Variants in EZH2 observed in about 807,000 individuals in gnomAD.
The protein encoded by EZH2 is enhancer of zeste 2 polycomb repressive complex 2 subunit.
In EZH2, 18 loss-of-function variants were observed where a neutral mutation model predicts 98.4. That is an observed-to-expected ratio of 0.18 (90% CI 0.13 to 0.27). EZH2 has a LOEUF of 0.27. EZH2 is among the 10% of genes least tolerant of loss of function. EZH2 has a pLI of 1.00. For missense variants in EZH2, 470 were observed against 935.1 expected, an observed-to-expected ratio of 0.50 and a Z score of 6.49; for synonymous variants, 338 against 312.3, an observed-to-expected ratio of 1.08 and a Z score of -0.87.
chr7:148,850,923 T>C (rs1444713857), intron 1 of EZH2, among the ~76,000 whole-genome samples: 1 of 152,174 alleles, frequency 6.6e-6, no homozygotes, highest in African/African-American at 2.4e-5. Flanking sequence ...TATAACAATA[T>C]ATTGTTACAA....
intron 15 of EZH2, 47 bp from the exon 16 acceptor site, chr7:148,811,767 T>A (rs1563195710): frequency 1.3e-6 from 2 of 1,499,108 alleles, no homozygotes; most frequent in Non-Finnish European, 1.8e-6. Flanking sequence ...AGGGTGAAAA[T>A]GGACTGGGGA....
intron 1 of EZH2, among the ~76,000 whole-genome samples, chr7:148,853,792 T>G (rs143913173): frequency 6.6e-6 from 1 of 152,238 alleles, no homozygotes; most frequent in Admixed American, 6.5e-5. Context: ...TCTACAAATG[T>G]AGAATCCCAT....
rs35317881 is a variant in EZH2 at position 148,843,208 on chromosome 7, CAA to C, written c.246+3260_246+3261del. Among the ~76,000 whole-genome samples the C allele has an allele frequency of 3.4e-3, 261 of 75,900 alleles. 1 individual carries two copies. Among genetic ancestry groups the C allele is most frequent in the African/African-American group, 9.9e-3 (213 of 21,612 alleles). The allele number at this position is 75,900 out of a possible 152,430, so 49.8% of individuals were successfully genotyped here. A position where few individuals can be genotyped will look rare whatever the true frequency, so the allele number is the denominator to read the frequency against. ...GGGCAACAAGAACGAAACTCCGTCT[CAA>C]AAAAAAAAAAAAAAAAAATTAGCCC... On this transcript the variant is annotated intron_variant, in intron 3 of 19. Transcript: ENST00000320356.
intron 1 of EZH2, among the ~76,000 whole-genome samples, chr7:148,870,571 T>C (rs1309633391): frequency 6.6e-6 from 1 of 151,600 alleles, no homozygotes. Flanking sequence ...GGGGTGGTGG[T>C]GCATACCTGT....
intron 3 of EZH2, among the ~76,000 whole-genome samples, chr7:148,833,466 AAAAATAAAAT>A (rs869127476): frequency 3.1e-3 from 100 of 31,888 alleles, no homozygotes; most frequent in Admixed American, 5.1e-3. Context: ...CAAAAAAAAA[AAAAATAAAAT>A]AAAATAAAAT....
At chr7:148,853,397 G>A (rs761112633) in intron 1 of EZH2, among the ~76,000 whole-genome samples, 1 of 152,080 alleles carries the variant, frequency 6.6e-6, no homozygotes, top group Non-Finnish European at 1.5e-5. Flanking sequence ...AGGCAACACA[G>A]TGAGACGAGA....
In EZH2 at chr7:148,811,190, G is replaced by A. The variant is rs10228453; in HGVS notation, c.1947+435C>T. ...AGGGTCTCACTTTGTCGCCCAGGCC[G>A]GAGTGCAGTGGCACAAACATGGCTC... On this transcript the variant is annotated intron_variant, in intron 16 of 19. Transcript: ENST00000320356. Among the ~76,000 whole-genome samples, 1,324 of 152,194 alleles carry A rather than the reference G, an allele frequency of 8.7e-3. 26 individuals are homozygous for A. Among genetic ancestry groups the A allele is most frequent in the African/African-American group, 0.028 (1,181 of 41,516 alleles).
chr7:148,880,456 GATC>G (rs940520723), intron 1 of EZH2, among the ~76,000 whole-genome samples: 7 of 152,140 alleles, frequency 4.6e-5, no homozygotes, highest in African/African-American at 1.2e-4. Context: ...TTTGCAAAGA[GATC>G]ATCAATATCA....
intron 1 of EZH2, among the ~76,000 whole-genome samples, chr7:148,854,561 T>A (rs1816477642): frequency 6.6e-6 from 1 of 152,238 alleles, no homozygotes. Flanking sequence ...CTACATGTAC[T>A]ATTTATCCTT....
chr7:148,856,456 C>G (rs1350074905), intron 1 of EZH2, among the ~76,000 whole-genome samples: 1 of 152,130 alleles, frequency 6.6e-6, no homozygotes, highest in Non-Finnish European at 1.5e-5. Context: ...AGCTGAAATA[C>G]CTGCATTTCC....
At chr7:148,827,088 T>C in intron 7 of EZH2, 76 bp downstream of exon 7, 3 of 1,099,992 alleles carry the variant, frequency 2.7e-6, no homozygotes, top group Non-Finnish European at 4.0e-6. Flanking sequence ...GCTACATTGA[T>C]TCCATTTGTA....
At position 148,841,089 on chromosome 7, in the gene EZH2, C is replaced by A. The variant is rs184510717; in HGVS notation, c.246+5381G>T. Among the ~76,000 whole-genome samples, 8 of 152,010 alleles carry A rather than the reference C, an allele frequency of 5.3e-5. No individual in the cohort carries two copies. The East Asian group carries it at 1.5e-3, about 29-fold the overall frequency. On this transcript the variant is annotated intron_variant, in intron 3 of 19. Coordinates refer to ENST00000320356, the MANE Select transcript of EZH2 (RefSeq NM_004456.5). ...GACTTTTTAAAATTCACCTTTTAAA[C>A]TGAAGATATATAATCAAATTTAAAA...
chr7:148,856,290 GATA>G (rs371577513), intron 1 of EZH2, among the ~76,000 whole-genome samples: 1 of 152,304 alleles, frequency 6.6e-6, no homozygotes, highest in African/African-American at 2.4e-5. Flanking sequence ...ATAAAATGTA[GATA>G]ATGTGTGCCA....
intron 3 of EZH2, among the ~76,000 whole-genome samples, chr7:148,839,088 G>GGAAGGAAGGAGAGAAGGAAGGAAA (rs1811705390): frequency 7.1e-6 from 1 of 140,772 alleles, no homozygotes; most frequent in African/African-American, 2.9e-5. Flanking sequence ...AAGGAAGGAA[G>GGAAGGAAGGAGAGAAGGAAGGAAA]GAAGGAAGGA....
intron 4 of EZH2, 83 bp from the exon 5 acceptor site, chr7:148,829,931 G>T: frequency 9.7e-7 from 1 of 1,033,206 alleles, no homozygotes; most frequent in Non-Finnish European, 1.4e-6. Context: ...TTTTTTTCAT[G>T]TGTACATGTC....
intron 3 of EZH2, among the ~76,000 whole-genome samples, chr7:148,838,129 T>C (rs904779185): frequency 7.2e-6 from 1 of 138,614 alleles, no homozygotes; most frequent in Admixed American, 8.3e-5. Flanking sequence ...AGTGCAGTGG[T>C]GCAATCATGG....
intron 16 of EZH2, among the ~76,000 whole-genome samples, chr7:148,811,290 A>G (rs998540871): frequency 6.6e-6 from 1 of 152,106 alleles, no homozygotes; most frequent in Non-Finnish European, 1.5e-5. Flanking sequence ...AGCTGGGACT[A>G]CAAGTATGCA....
At chr7:148,880,494 C>T (rs576522040) in intron 1 of EZH2, among the ~76,000 whole-genome samples, 4 of 152,300 alleles carry the variant, frequency 2.6e-5, no homozygotes, top group East Asian at 3.9e-4. Flanking sequence ...TAAGCAAATA[C>T]TATTACTAAA....
chr7:148,878,716 T>C lies in EZH2; in HGVS notation c.-8+5448A>G, dbSNP rs182433214. ...GAGTTCAAGACCAGCCTGGGCAACA[T>C]GGCAAAACCCTGTCTCTACAAAAAA... is the stretch of plus-strand genomic sequence containing the variant. On this transcript the variant is annotated intron_variant, in intron 1 of 19. Transcript: ENST00000320356. Among the ~76,000 whole-genome samples the C allele has an allele frequency of 3.4e-3, 507 of 151,122 alleles. 3 individuals carry two copies. Among genetic ancestry groups the C allele is most frequent in the African/African-American group, 0.012 (477 of 41,070 alleles).
Sources: gnomAD v4.1 joint callset for allele counts (sites outside exome capture counted in the v4.1 genomes callset) on GRCh38, gnomAD v4.1.1 for gene constraint, MANE v1.5 for transcripts, NCBI Gene and HGNC (gene_info 2026-07-23, HGNC 2026-07-21) for gene names.